Variants in ARHGEF1 observed in about 807,000 individuals in gnomAD.
The protein encoded by ARHGEF1 is Rho guanine nucleotide exchange factor 1.
In ARHGEF1, 40 loss-of-function variants were observed where a neutral mutation model predicts 119.7. The ratio of observed to expected loss-of-function variants is 0.33; its 90% CI spans 0.26 to 0.44. The LOEUF (loss-of-function observed/expected upper bound fraction) is 0.44, where lower values mean the gene tolerates loss of function less well. ARHGEF1 is among the 20% of genes least tolerant of loss of function. The pLI, the probability that ARHGEF1 is intolerant of heterozygous loss-of-function variation, is 1.00. For synonymous variants in ARHGEF1, 494 were observed against 521.0 expected, an observed-to-expected ratio of 0.95 and a Z score of 0.71; for missense variants, 976 against 1,268.3, an observed-to-expected ratio of 0.77 and a Z score of 3.50.
chr19:41,896,296 C>A lies in ARHGEF1; in HGVS notation c.1016-81C>A, dbSNP rs1473681672. ...CTGCCAGGCACTGGGTAGCTTTAGC[C>A]CCCGCAATTCCAGGCCCCCAGAGTG... On this transcript the variant is annotated intron_variant, in intron 12 of 28. Transcript: ENST00000354532. 4 of 644,220 alleles carry A rather than the reference C, an allele frequency of 6.2e-6. No individual in the cohort carries two copies. The Admixed American group carries it at 1.4e-4, about 23-fold the overall frequency. The allele number at this position is 644,220 out of a possible 1,614,324, so 39.9% of individuals were successfully genotyped here.
intron 13 of ARHGEF1, chr19:41,897,330 G>GGT: frequency 7.9e-7 from 1 of 1,268,814 alleles, no homozygotes; most frequent in Non-Finnish European, 1.0e-6. Context: ...GGAAGAGGTG[G>GGT]GTGCCTGGGC....
At position 41,898,460 on chromosome 19, in the gene ARHGEF1, G is replaced by T. The variant is rs201815694; in HGVS notation, c.1140G>T (p.Glu380Asp). The T allele has an allele frequency of 2.4e-4, 376 of 1,547,154 alleles. No individual in the cohort carries two copies. In the African/African-American group the frequency reaches 3.6e-3, roughly 15 times the overall value. ...TCCACAGCCCCGAGCCTGGAGATGA[G>T]GGGGAGCCGGGGCGGTCGGGACTGG... ...AETESPEPGD[E>D]GEPGRSGLEL... Residue 380 changes from glutamate (E) to aspartate (D), a missense_variant, in exon 14 of 29, where the codon GAG becomes GAT. Glu to Asp is a conservative substitution (Grantham distance 45). Coordinates refer to ENST00000354532, the MANE Select transcript of ARHGEF1 (RefSeq NM_004706.4).
chr19:41,913,623 C>T (rs1161277987), intron 18 of ARHGEF1, among the ~76,000 whole-genome samples: 2 of 151,618 alleles, frequency 1.3e-5, no homozygotes, highest in Admixed American at 6.6e-5. Context: ...CCCTGAAGAC[C>T]CCTGTCACTT....
At chr19:41,918,204 G>A (rs1043750749), upstream of ARHGEF1, among the ~76,000 whole-genome samples, 6 of 151,564 alleles carry the variant, frequency 4.0e-5, no homozygotes, top group Admixed American at 2.0e-4. Flanking sequence ...ACATGTATAC[G>A]CCACATATAC....
chr19:41,926,756 C>G (rs1010202764), intron 1 of ARHGEF1, among the ~76,000 whole-genome samples: 7 of 152,130 alleles, frequency 4.6e-5, no homozygotes, highest in African/African-American at 1.7e-4. Flanking sequence ...GTGATAGATC[C>G]GCGCGCCGCT....
At chr19:41,909,608 C>A, downstream of ARHGEF1, 1 of 863,192 alleles carries the variant, frequency 1.2e-6, no homozygotes, top group Non-Finnish European at 1.7e-6. This position sits in a 1 kb window ranked among gnomAD's most constrained non-coding sequence, Gnocchi z 5.2. Context: ...CACAGAAGTC[C>A]CTTAATAGGG....
Position 41,906,514 on chromosome 19 carries a change from C to T in ARHGEF1, c.2549C>T (p.Pro850Leu). ...PAEEDNGAGPPRDGDGVPGGG... is the reference protein window; with the variant it reads ...PAEEDNGAGPLRDGDGVPGGG... ...GAGGAAGACAATGGGGCGGGGCCTC[C>T]TCGAGATGGGGATGGGGTCCCAGGG... The change falls in exon 27 of 29, where the codon CCT becomes CTT. Residue 850 changes from proline (P) to leucine (L), a missense_variant. Coordinates refer to ENST00000354532, the MANE Select transcript of ARHGEF1 (RefSeq NM_004706.4). This position sits in a 1 kb window ranked among gnomAD's most constrained non-coding sequence, Gnocchi z 4.5. 1 of 1,583,300 alleles carries T rather than the reference C, an allele frequency of 6.3e-7. No individual in the cohort carries two copies. Among genetic ancestry groups the T allele is most frequent in the Non-Finnish European group, 8.5e-7 (1 of 1,172,074 alleles).
chr19:41,898,621 A>G lies in ARHGEF1; in HGVS notation c.1267+34A>G. ...TGCCCCCATCACCCCACTGTGGCCAAGGACACAGTCCAGCTCTGGCAAAGG... is the reference window on the plus strand; with the variant it reads ...TGCCCCCATCACCCCACTGTGGCCAGGGACACAGTCCAGCTCTGGCAAAGG... On this transcript the variant is annotated intron_variant, in intron 14 of 28. Coordinates refer to ENST00000354532, the MANE Select transcript of ARHGEF1 (RefSeq NM_004706.4). The G allele has an allele frequency of 1.9e-6, 3 of 1,572,340 alleles. No individual in the cohort carries two copies. In the South Asian group the frequency reaches 3.5e-5, roughly 18 times the overall value.
Position 41,904,025 on chromosome 19 carries a change from C to G in ARHGEF1, c.1918-10C>G, listed in dbSNP as rs781986070. ...CAACCTGCACAAACCATCACCCCCT[C>G]CTGCCCCAGAACCTGGACATCACCA... On this transcript the variant is annotated splice_polypyrimidine_tract_variant and intron_variant, in intron 20 of 28. Transcript: ENST00000354532. The surrounding 1 kb of genome is among the most constrained non-coding windows in gnomAD (Gnocchi z 8.4). 1.9e-6 allele frequency: 3 copies of G among 1,613,758 alleles called. No homozygotes were observed. In the South Asian group the frequency reaches 3.3e-5, roughly 18 times the overall value.
chr19:41,918,806 C>T (rs1425552684), upstream of ARHGEF1, among the ~76,000 whole-genome samples: 1 of 150,892 alleles, frequency 6.6e-6, no homozygotes, highest in Non-Finnish European at 1.5e-5. Context: ...ACCATACACA[C>T]ACACCACATC....
In ARHGEF1 at chr19:41,905,656, G is replaced by A; in HGVS notation, c.2337-104G>A. 1 of 1,227,586 alleles carries A rather than the reference G, an allele frequency of 8.1e-7. No homozygotes were observed. Among genetic ancestry groups the A allele is most frequent in the South Asian group, 1.3e-5 (1 of 76,976 alleles). The allele number at this position is 1,227,586 out of a possible 1,614,324, so 76.0% of individuals were successfully genotyped here. A position where few individuals can be genotyped will look rare whatever the true frequency, so the allele number is the denominator to read the frequency against. Reference sequence around the variant, plus strand: ...TCTCCCGGCCTCGACCTCTGTCTCTGTCTCCGGACCTCCCTGCCTCCCCAC... The same window carrying A: ...TCTCCCGGCCTCGACCTCTGTCTCTATCTCCGGACCTCCCTGCCTCCCCAC... On this transcript the variant is annotated intron_variant, in intron 24 of 28. Coordinates refer to ENST00000354532, the MANE Select transcript of ARHGEF1 (RefSeq NM_004706.4). This position sits in a 1 kb window ranked among gnomAD's most constrained non-coding sequence, Gnocchi z 6.4.
rs564469141 is a variant in ARHGEF1, at chr19:41,907,310, A to T, written c.*223A>T. 8.3e-5 allele frequency: 128 copies of T among 1,533,686 alleles called. No homozygotes were observed. In the African/African-American group the frequency reaches 1.6e-3, roughly 20 times the overall value. ...CTCTGCTTGGGGGACTCAGGGCTCC[A>T]TTCTGGAGGGCACCACGGTGACCCG... On this transcript the variant is annotated 3_prime_UTR_variant, in exon 29 of 29. Coordinates refer to ENST00000354532, the MANE Select transcript of ARHGEF1 (RefSeq NM_004706.4).
In ARHGEF1 at chr19:41,907,175, G is replaced by A; in HGVS notation, c.*88G>A. 2 of 1,529,176 alleles carry A rather than the reference G, an allele frequency of 1.3e-6. No homozygotes were observed. 94.7% of individuals were successfully genotyped at this position (1,529,176 alleles called of 1,614,324 possible). On this transcript the variant is annotated 3_prime_UTR_variant, in exon 29 of 29. Coordinates refer to ENST00000354532, the MANE Select transcript of ARHGEF1 (RefSeq NM_004706.4). ...CACCCCCACCCACACAGCTGCCGCA[G>A]CATCTCACACCCCGAGGGCCTGAGG...
chr19:41,915,176 A>C (rs2074792652), intron 18 of ARHGEF1, among the ~76,000 whole-genome samples: 1 of 91,062 alleles, frequency 1.1e-5, no homozygotes, highest in African/African-American at 4.5e-5. Context: ...GTTGGTTTTG[A>C]TTTCTCTTCC....
chr19:41,924,271 A>G (rs1446588806), intron 1 of ARHGEF1, among the ~76,000 whole-genome samples: 4 of 152,004 alleles, frequency 2.6e-5, no homozygotes, highest in African/African-American at 9.7e-5. Context: ...CTGGATGGCT[A>G]GGAGGGCAGT....
intron 1 of ARHGEF1, among the ~76,000 whole-genome samples, chr19:41,924,427 AC>A (rs1317638593): frequency 6.6e-6 from 1 of 152,132 alleles, no homozygotes; most frequent in Non-Finnish European, 1.5e-5. Flanking sequence ...TCCTGTGAGG[AC>A]AAATGAGACA....
At chr19:41,918,216 C>G (rs1325818140), upstream of ARHGEF1, among the ~76,000 whole-genome samples, 3 of 151,844 alleles carry the variant, frequency 2.0e-5, no homozygotes, top group Non-Finnish European at 2.9e-5. Context: ...CACATATACA[C>G]CACACATACC....
In ARHGEF1 at chr19:41,913,113, TC is replaced by T. The variant is rs1407642484; in HGVS notation, c.1865+6313del. Among the ~76,000 whole-genome samples the T allele has an allele frequency of 4.6e-5, 7 of 151,052 alleles. No homozygotes were observed. In the South Asian group the frequency reaches 1.3e-3, roughly 27 times the overall value. On this transcript the variant is annotated intron_variant, in intron 18 of 20. Transcript: ENST00000599589. Reference sequence around the variant, plus strand: ...CAGGCACCGCTCTGTCCCCAGCCGTTCCCGGCCCCGAGACCCCGTTCCTTCC... The same window carrying T: ...CAGGCACCGCTCTGTCCCCAGCCGTTCCGGCCCCGAGACCCCGTTCCTTCC...
intron 1 of ARHGEF1, among the ~76,000 whole-genome samples, chr19:41,886,519 G>A (rs1444952888): frequency 1.5e-4 from 23 of 152,144 alleles, no homozygotes; most frequent in Admixed American, 1.4e-3. Context: ...GAGCTCAAGC[G>A]ATCTTCCCAC....
Sources: gnomAD v4.1 joint callset for allele counts (sites outside exome capture counted in the v4.1 genomes callset) on GRCh38, gnomAD v4.1.1 for gene constraint, Gnocchi (gnomAD v3.1) non-coding constraint, MANE v1.5 for transcripts, NCBI Gene and HGNC (gene_info 2026-07-23, HGNC 2026-07-21) for gene names.